Variants in GABBR1 observed in about 807,000 individuals in gnomAD.
GABBR1 encodes the protein gamma-aminobutyric acid type B receptor subunit 1.
GABBR1 carries 35 observed loss-of-function variants against 117.7 expected under a neutral mutation model. That is an observed-to-expected ratio of 0.30 (90% confidence interval 0.23 to 0.39). The LOEUF (loss-of-function observed/expected upper bound fraction) is 0.39. Ranked by LOEUF, GABBR1 falls within the 10% of genes least tolerant of loss-of-function variation. The pLI is 1.00. For missense variants in GABBR1, 709 were observed against 1,241.8 expected (o/e 0.57, Z 6.45); for synonymous variants, 442 against 486.6 (o/e 0.91, Z 1.21).
rs1031092056 is a variant in GABBR1, at chr6:29,620,541, C to T, written c.1323+560G>A. ...TCTCAAATCAGAGAATGCGCCTCCT[C>T]GCTCCAAGTCTGTCATTAACCAGCT... On this transcript the variant is annotated intron_variant, in intron 11 of 22. Transcript: ENST00000377034. The surrounding 1 kb of genome is among the most constrained non-coding windows in gnomAD (Gnocchi z 4.5). Among the ~76,000 whole-genome samples, 3 of 152,146 alleles carry T rather than the reference C, an allele frequency of 2.0e-5. No individual in the cohort carries two copies. Among genetic ancestry groups the T allele is most frequent in the South Asian group, 2.1e-4 (1 of 4,830 alleles).
rs924911786 is a variant in GABBR1 at position 29,610,861 on chromosome 6, G to C, written c.1708+63C>G. The stretch of plus-strand genomic sequence containing the variant: ...TCTACCATTCCATCCTCACTCAAAG[G>C]CATGACTTTTTCCCTTGACTGTCGA... On this transcript the variant is annotated intron_variant, in intron 14 of 22. Coordinates refer to ENST00000377034, the MANE Select transcript of GABBR1 (RefSeq NM_001470.4). 13 of 1,383,698 alleles carry C rather than the reference G, an allele frequency of 9.4e-6. No individual in the cohort carries two copies. In the African/African-American group the frequency reaches 1.6e-4, roughly 17 times the overall value. 85.7% of individuals were successfully genotyped at this position (1,383,698 alleles called of 1,614,324 possible).
At chr6:29,608,793 C>T in intron 15 of GABBR1, 60 bp from the exon 16 acceptor site, 1 of 1,573,076 alleles carries the variant, frequency 6.4e-7, no homozygotes, top group Non-Finnish European at 8.7e-7. Flanking sequence ...TCCAGGGAGG[C>T]TGAGCTCTCC....
rs1765107113 is a variant in GABBR1, at chr6:29,632,501, GA to G, written c.1-117del. 3.8e-5 allele frequency: 38 copies of G among 1,011,838 alleles called. No individual in the cohort carries two copies. Among genetic ancestry groups the G allele is most frequent in the Non-Finnish European group, 4.9e-5 (36 of 741,118 alleles). The allele number at this position is 1,011,838 out of a possible 1,614,324, so 62.7% of individuals were successfully genotyped here. The stretch of plus-strand genomic sequence containing the variant: ...AGGCTCCGACCGGGCTCAGCCTGGG[GA>G]CCAAGAGAGCGCCCCGCGGAGGAGG... On this transcript the variant is annotated intron_variant, in intron 1 of 22. Coordinates refer to ENST00000377034, the MANE Select transcript of GABBR1 (RefSeq NM_001470.4). The surrounding 1 kb of genome is among the most constrained non-coding windows in gnomAD (Gnocchi z 5.8).
At position 29,605,189 on chromosome 6, in the gene GABBR1, A is replaced by G. The variant is rs926237530; in HGVS notation, c.2440-201T>C. Reference sequence around the variant, plus strand: ...CCAAACCAGTTTTCACTCTTGGTTAACCCCTCCCCTCAAGGCAGGAACTCC... The same window carrying G: ...CCAAACCAGTTTTCACTCTTGGTTAGCCCCTCCCCTCAAGGCAGGAACTCC... On this transcript the variant is annotated intron_variant, in intron 20 of 22. Transcript: ENST00000377034. The surrounding 1 kb of genome is among the most constrained non-coding windows in gnomAD (Gnocchi z 4.2). The G allele has an allele frequency of 3.2e-6, 2 of 618,992 alleles. No homozygotes were observed. The highest frequency in any genetic ancestry group is 5.4e-6 in the Non-Finnish European group (2 of 369,712). 38.3% of individuals were successfully genotyped at this position (618,992 alleles called of 1,614,324 possible).
chr6:29,628,376 A>G (rs1203527017), intron 5 of GABBR1: 1 of 153,932 alleles, frequency 6.5e-6, no homozygotes, highest in East Asian at 1.9e-4. Flanking sequence ...TGCGAGTGGG[A>G]CGGGAGAGAA....
chr6:29,628,054 G>A, intron 5 of GABBR1: 2 of 1,124,154 alleles, frequency 1.8e-6, no homozygotes, highest in Non-Finnish European at 2.2e-6. Context: ...GGGAGATGTG[G>A]GGCTGGGAGG....
Position 29,613,573 on chromosome 6 carries a change from T to G in GABBR1, c.1324-88A>C. 2 of 1,448,710 alleles carry G rather than the reference T, an allele frequency of 1.4e-6. No homozygotes were observed. Among genetic ancestry groups the G allele is most frequent in the Non-Finnish European group, 9.4e-7 (1 of 1,058,926 alleles). 89.7% of individuals were successfully genotyped at this position (1,448,710 alleles called of 1,614,324 possible). ...AATCCAATTCTGACTCAATCACTTC[T>G]ACTTGAATGGATGGTTTGTGTTACT... On this transcript the variant is annotated intron_variant, in intron 11 of 22. Transcript: ENST00000377034. The surrounding 1 kb of genome is among the most constrained non-coding windows in gnomAD (Gnocchi z 4.1).
chr6:29,603,600 AG>A lies in GABBR1; in HGVS notation c.2828del (p.Pro943LeufsTer228). ...EPSGGLPRGP[P>X]EPPDRLSCDG... ...CACAGCTAAGCCGGTCGGGGGGCTC[AG>A]GGGGTCCCCTGGGCAGGCCCCCAGA... On this transcript the variant is annotated frameshift_variant, in exon 23 of 23. Coordinates refer to ENST00000377034, the MANE Select transcript of GABBR1 (RefSeq NM_001470.4). LOFTEE classifies it high-confidence loss of function. The A allele has an allele frequency of 1.3e-6, 2 of 1,587,422 alleles. No individual in the cohort carries two copies. The highest frequency in any genetic ancestry group is 1.7e-6 in the Non-Finnish European group (2 of 1,168,640).
rs1367248751 is a variant in GABBR1, at chr6:29,603,405, G to A, written c.*138C>T. On this transcript the variant is annotated 3_prime_UTR_variant, in exon 23 of 23. Coordinates refer to ENST00000377034, the MANE Select transcript of GABBR1 (RefSeq NM_001470.4). ...CCAAATCAGCCCAGAACTCACAGGG[G>A]GACATGTATTTACAAGAGATGAGAT... 1.3e-6 allele frequency: 1 copy of A among 781,470 alleles called. No homozygotes were observed. Among genetic ancestry groups the A allele is most frequent in the South Asian group, 1.5e-5 (1 of 68,184 alleles). 48.4% of individuals were successfully genotyped at this position (781,470 alleles called of 1,614,324 possible). A position where few individuals can be genotyped will look rare whatever the true frequency, so the allele number is the denominator to read the frequency against.
chr6:29,632,921 T>C lies in GABBR1; in HGVS notation c.-72A>G. On this transcript the variant is annotated 5_prime_UTR_variant, in exon 1 of 23. Transcript: ENST00000377034. This position sits in a 1 kb window ranked among gnomAD's most constrained non-coding sequence, Gnocchi z 5.8. ...CCCAGGCCCGGCCGCTCCTCCCCGCTCCCCCCTCCCTTCTCCTCCACCTTT... is the reference window on the plus strand; with the variant it reads ...CCCAGGCCCGGCCGCTCCTCCCCGCCCCCCCCTCCCTTCTCCTCCACCTTT... 2 of 203,872 alleles carry C rather than the reference T, an allele frequency of 9.8e-6. No individual in the cohort carries two copies. The highest frequency in any genetic ancestry group is 4.6e-5 in the South Asian group (1 of 21,914). The allele number at this position is 203,872 out of a possible 1,614,324, so 12.6% of individuals were successfully genotyped here. A position where few individuals can be genotyped will look rare whatever the true frequency, so the allele number is the denominator to read the frequency against.
Position 29,631,386 on chromosome 6 carries a change from G to A in GABBR1, c.289+10C>T. The A allele has an allele frequency of 6.2e-7, 1 of 1,613,182 alleles. No homozygotes were observed. The highest frequency in any genetic ancestry group is 8.5e-7 in the Non-Finnish European group (1 of 1,179,392). On this transcript the variant is annotated intron_variant, in intron 3 of 22. Coordinates refer to ENST00000377034, the MANE Select transcript of GABBR1 (RefSeq NM_001470.4). This position sits in a 1 kb window ranked among gnomAD's most constrained non-coding sequence, Gnocchi z 5.9. ...TCTTGAAGAGGGGAGGGGCTTCCGA[G>A]GCTACTCACCACAGCGGCTGGGTGT... is the stretch of plus-strand genomic sequence containing the variant.
At chr6:29,628,248 T>C in intron 5 of GABBR1, 2 of 883,904 alleles carry the variant, frequency 2.3e-6, no homozygotes, top group Non-Finnish European at 2.6e-6. Flanking sequence ...GGGAGGGATC[T>C]CACTTAAGGG....
intron 14 of GABBR1, among the ~76,000 whole-genome samples, chr6:29,610,349 G>A (rs28359965): frequency 6.6e-6 from 1 of 151,982 alleles, no homozygotes; most frequent in Admixed American, 6.6e-5. Context: ...GCACTGTTCG[G>A]GTGACAGGCA....
At position 29,632,726 on chromosome 6, in the gene GABBR1, C is replaced by T; in HGVS notation, c.-1+124G>A. On this transcript the variant is annotated intron_variant, in intron 1 of 22. Coordinates refer to ENST00000377034, the MANE Select transcript of GABBR1 (RefSeq NM_001470.4). This position sits in a 1 kb window ranked among gnomAD's most constrained non-coding sequence, Gnocchi z 5.8. Reference sequence around the variant, plus strand: ...CGCCTCAGCGCTCCCCGATTCCATCCCCGCGGTTCCTCCTCTCCCCCAGCC... The same window carrying T: ...CGCCTCAGCGCTCCCCGATTCCATCTCCGCGGTTCCTCCTCTCCCCCAGCC... 2 of 1,325,820 alleles carry T rather than the reference C, an allele frequency of 1.5e-6. No homozygotes were observed. The highest frequency in any genetic ancestry group is 1.3e-5 in the South Asian group (1 of 75,192). 82.1% of individuals were successfully genotyped at this position (1,325,820 alleles called of 1,614,324 possible). A position where few individuals can be genotyped will look rare whatever the true frequency, so the allele number is the denominator to read the frequency against.
chr6:29,609,375 C>T lies in GABBR1; in HGVS notation c.1713G>A (p.Gly571=). The T allele has an allele frequency of 2.5e-6, 4 of 1,612,650 alleles. No individual in the cohort carries two copies. In the African/African-American group the frequency reaches 5.3e-5, roughly 22 times the overall value. The part of the protein sequence containing the change: ...SWSKTDKWIG[G]SPPADQTLVI... ...CCAGGGTCTGGTCAGCTGGGGGGGA[C>T]CCTCCTGCATGGCACAGGGGAGGAA... The change falls in exon 15 of 23, where the codon GGG becomes GGA. Residue 571 remains glycine, a synonymous_variant. Coordinates refer to ENST00000377034, the MANE Select transcript of GABBR1 (RefSeq NM_001470.4). This position sits in a 1 kb window ranked among gnomAD's most constrained non-coding sequence, Gnocchi z 4.3.
chr6:29,608,977 G>A (rs1447933371), intron 15 of GABBR1, among the ~76,000 whole-genome samples: 5 of 152,178 alleles, frequency 3.3e-5, no homozygotes, highest in Non-Finnish European at 7.3e-5. Context: ...TATTTATGTA[G>A]AGTCCAAGAC....
At chr6:29,618,607 T>C (rs17842396) in intron 11 of GABBR1, among the ~76,000 whole-genome samples, 14,883 of 152,200 alleles carry the variant, frequency 0.098, 856 homozygotes, top group Middle Eastern at 0.21. Flanking sequence ...CTAGGTCTGA[T>C]GGGATCTCTA....
Position 29,605,467 on chromosome 6 carries a change from C to T in GABBR1, c.2439+102G>A. ...AGAATTAACAAACTTTTTAAGACTT[C>T]TAAGCAACCGATCCCAGATCTAGCA... On this transcript the variant is annotated intron_variant, in intron 20 of 22. Coordinates refer to ENST00000377034, the MANE Select transcript of GABBR1 (RefSeq NM_001470.4). The surrounding 1 kb of genome is among the most constrained non-coding windows in gnomAD (Gnocchi z 4.2). The T allele has an allele frequency of 1.4e-6, 2 of 1,432,102 alleles. No individual in the cohort carries two copies. Among genetic ancestry groups the T allele is most frequent in the Non-Finnish European group, 9.5e-7 (1 of 1,051,528 alleles). 88.7% of individuals were successfully genotyped at this position (1,432,102 alleles called of 1,614,324 possible).
intron 11 of GABBR1, among the ~76,000 whole-genome samples, chr6:29,614,852 G>A (rs2058325): frequency 0.055 from 8,350 of 152,118 alleles, 337 homozygotes; most frequent in South Asian, 0.14. Context: ...TATCAATGTA[G>A]GTTCATCAGT....
Sources: gnomAD v4.1 joint callset for allele counts (sites outside exome capture counted in the v4.1 genomes callset) on GRCh38, gnomAD v4.1.1 for gene constraint, Gnocchi (gnomAD v3.1) non-coding constraint, MANE v1.5 for transcripts, NCBI Gene and HGNC (gene_info 2026-07-23, HGNC 2026-07-21) for gene names.